The following HNF4G variants were observed in gnomAD, a reference collection of about 807,000 sequenced individuals.
The protein encoded by HNF4G is hepatocyte nuclear factor 4-gamma.
A neutral mutation model predicts 50.9 loss-of-function variants in HNF4G; 21 were observed. The observed-to-expected ratio is 0.41, with a 90% CI of 0.29 to 0.59. HNF4G has a LOEUF of 0.59. HNF4G is among the 20% of genes least tolerant of loss of function. The pLI is 0.26. For missense variants in HNF4G, 527 were observed against 559.4 expected (o/e 0.94, Z 0.58); for synonymous variants, 198 against 185.6 (o/e 1.07, Z -0.54).
intron 1 of HNF4G, among the ~76,000 whole-genome samples, chr8:75,433,741 G>T (rs201470580): frequency 2.0e-5 from 3 of 151,992 alleles, no homozygotes; most frequent in African/African-American, 7.2e-5. Context: ...GTATAATGTC[G>T]AAATAAACTA....
intron 1 of HNF4G, among the ~76,000 whole-genome samples, chr8:75,408,824 TCCAGAAGC>T (rs534488473): frequency 7.4e-4 from 112 of 152,320 alleles, no homozygotes; most frequent in Non-Finnish European, 1.3e-3. Context: ...GAATACAGAA[TCCAGAAGC>T]TCAAAAGTGA....
At chr8:75,418,304 G>T (rs758446052) in intron 1 of HNF4G, among the ~76,000 whole-genome samples, 3 of 152,088 alleles carry the variant, frequency 2.0e-5, no homozygotes, top group Non-Finnish European at 4.4e-5. Context: ...ATTTCTTTCT[G>T]AGGTACTACT....
intron 1 of HNF4G, among the ~76,000 whole-genome samples, chr8:75,425,350 C>T (rs1045490072): frequency 3.3e-5 from 5 of 151,634 alleles, no homozygotes; most frequent in Admixed American, 2.6e-4. Flanking sequence ...TCCCTAAGTG[C>T]TAAGATTACA....
intron 2 of HNF4G, among the ~76,000 whole-genome samples, chr8:75,499,214 T>C (rs1310877296): frequency 6.6e-6 from 1 of 152,058 alleles, no homozygotes; most frequent in African/African-American, 2.4e-5. Flanking sequence ...ATACAAAAAT[T>C]AGTTTAATTT....
At chr8:75,532,621 T>C (rs1806359030) in intron 2 of HNF4G, among the ~76,000 whole-genome samples, 1 of 152,050 alleles carries the variant, frequency 6.6e-6, no homozygotes, top group Non-Finnish European at 1.5e-5. Context: ...AAAGTCAGCA[T>C]TGGTAACATG....
At chr8:75,416,756 G>C (rs1272604004) in intron 1 of HNF4G, among the ~76,000 whole-genome samples, 1 of 152,116 alleles carries the variant, frequency 6.6e-6, no homozygotes, top group Non-Finnish European at 1.5e-5. Flanking sequence ...GAAGGCTTGA[G>C]CTTCTTTTAA....
At chr8:75,529,860 A>G (rs1313830382) in intron 2 of HNF4G, among the ~76,000 whole-genome samples, 1 of 152,118 alleles carries the variant, frequency 6.6e-6, no homozygotes, top group African/African-American at 2.4e-5. Context: ...TTTTAAAAAT[A>G]TTTAATTTTT....
At chr8:75,494,973 C>G (rs921834945) in intron 2 of HNF4G, among the ~76,000 whole-genome samples, 1 of 152,072 alleles carries the variant, frequency 6.6e-6, no homozygotes, top group African/African-American at 2.4e-5. Context: ...ATAGTTTGGT[C>G]TCCATCAATT....
intron 1 of HNF4G, among the ~76,000 whole-genome samples, chr8:75,470,294 A>G (rs1454765492): frequency 1.3e-5 from 2 of 152,230 alleles, no homozygotes; most frequent in Non-Finnish European, 2.9e-5. Context: ...AAATCAGAGG[A>G]CATATAAAGT....
At chr8:75,514,097 C>T (rs1805828340) in intron 2 of HNF4G, among the ~76,000 whole-genome samples, 1 of 151,762 alleles carries the variant, frequency 6.6e-6, no homozygotes, top group Admixed American at 6.6e-5. Flanking sequence ...TTTGCCCATT[C>T]TTCCTTTATA....
chr8:75,483,818 C>A (rs1001799195), intron 1 of HNF4G, among the ~76,000 whole-genome samples: 1 of 151,984 alleles, frequency 6.6e-6, no homozygotes, highest in African/African-American at 2.4e-5. Flanking sequence ...CAAGGTGATA[C>A]CTTAGCAAGT....
At chr8:75,444,843 C>T (rs1158623511) in intron 1 of HNF4G, among the ~76,000 whole-genome samples, 2 of 92,482 alleles carry the variant, frequency 2.2e-5, no homozygotes, top group Admixed American at 1.0e-4. Flanking sequence ...GACTTTAACA[C>T]CCCACTGTCA....
chr8:75,561,152 A>T (rs750644961), intron 9 of HNF4G, among the ~76,000 whole-genome samples: 11 of 152,102 alleles, frequency 7.2e-5, no homozygotes, highest in Non-Finnish European at 1.6e-4. Flanking sequence ...ATGTCATGGC[A>T]TGTTTCTGAG....
intron 2 of HNF4G, among the ~76,000 whole-genome samples, chr8:75,515,754 T>C (rs191049608): frequency 4.0e-5 from 6 of 150,680 alleles, no homozygotes; most frequent in Non-Finnish European, 8.9e-5. Context: ...CCACTGACAT[T>C]CATGGGGGCC....
chr8:75,514,354 C>CTTTTTTTTT (rs36078375), intron 2 of HNF4G, among the ~76,000 whole-genome samples: 1 of 125,046 alleles, frequency 8.0e-6, no homozygotes, highest in Non-Finnish European at 1.6e-5. Flanking sequence ...TTTCTTCTTT[C>CTTTTTTTTT]TTTTTTTTTT....
chr8:75,546,395 G>A (rs1388470060), intron 2 of HNF4G, among the ~76,000 whole-genome samples: 1 of 151,922 alleles, frequency 6.6e-6, no homozygotes, highest in African/African-American at 2.4e-5. Flanking sequence ...TGTTTGTTTG[G>A]TTAAGTATAC....
intron 2 of HNF4G, among the ~76,000 whole-genome samples, chr8:75,533,347 C>T (rs1253093849): frequency 1.3e-5 from 2 of 152,018 alleles, no homozygotes; most frequent in East Asian, 3.8e-4. Context: ...CCAGCTTCTA[C>T]CTCCAGACTT....
chr8:75,551,008 G>A (rs1806934882), intron 3 of HNF4G, among the ~76,000 whole-genome samples: 1 of 152,114 alleles, frequency 6.6e-6, no homozygotes, highest in South Asian at 2.1e-4. Flanking sequence ...CATATTTTCT[G>A]ATAGTGAATA....
chr8:75,467,771 T>C (rs1363293399), intron 1 of HNF4G, among the ~76,000 whole-genome samples: 1 of 151,734 alleles, frequency 6.6e-6, no homozygotes, highest in South Asian at 2.1e-4. Flanking sequence ...AAAGTAATTA[T>C]TTTTTTTTAA....
Sources: allele counts gnomAD v4.1 joint callset (sites outside exome capture counted in the v4.1 genomes callset), GRCh38; gene constraint gnomAD v4.1.1; transcripts MANE v1.5; gene names NCBI Gene and HGNC (gene_info 2026-07-23, HGNC 2026-07-21).